Variants in GALNT13 observed in about 807,000 individuals in gnomAD.
GALNT13 encodes polypeptide N-acetylgalactosaminyltransferase 13, also known as UDP-GalNAc:polypeptide N-acetylgalactosaminyltransferase 13.
In GALNT13, 28 loss-of-function variants were observed where a neutral mutation model predicts 64.2. The ratio of observed to expected loss-of-function variants is 0.44; its 90% CI spans 0.32 to 0.60. GALNT13 has a LOEUF of 0.60. Among genes scored for constraint, GALNT13 ranks in the 20% least tolerant of loss-of-function variants. The probability of loss-of-function intolerance (pLI) is 0.05; values close to 1 mark genes in which losing one functional copy is unlikely to be tolerated. For synonymous variants in GALNT13, 214 were observed against 224.6 expected (o/e 0.95, Z 0.42); for missense variants, 577 against 669.8 (o/e 0.86, Z 1.53).
intron 3 of GALNT13, among the ~76,000 whole-genome samples, chr2:154,128,463 T>G (rs2105538815): frequency 6.6e-6 from 1 of 152,242 alleles, no homozygotes; most frequent in East Asian, 1.9e-4. Flanking sequence ...GTTCTTTTTA[T>G]TAGTATTAAC....
the GALNT13 span, among the ~76,000 whole-genome samples, chr2:153,345,695 CTTTCT>C: frequency 8.3e-6 from 1 of 120,176 alleles, no homozygotes; most frequent in Non-Finnish European, 1.8e-5. Flanking sequence ...TTCTTTCTTT[CTTTCT>C]TTCTCTTTCT....
chr2:153,961,943 A>C (rs1462357260), intron 3 of GALNT13, among the ~76,000 whole-genome samples: 2 of 152,200 alleles, frequency 1.3e-5, no homozygotes, highest in Non-Finnish European at 2.9e-5. Flanking sequence ...GTGGGTGCTC[A>C]CTTAACAATT....
chr2:153,678,156 A>AATAT, the GALNT13 span, among the ~76,000 whole-genome samples: 31,914 of 145,384 alleles, frequency 0.22, 4,207 homozygotes, highest in Middle Eastern at 0.39. Context: ...CCGACAAATG[A>AATAT]ATATATATAT....
chr2:153,157,235 T>G, the GALNT13 span, among the ~76,000 whole-genome samples: 1 of 152,208 alleles, frequency 6.6e-6, no homozygotes, highest in African/African-American at 2.4e-5. Context: ...CTTTTGAGAT[T>G]ATTATTACAA....
intron 3 of GALNT13, among the ~76,000 whole-genome samples, chr2:153,995,065 A>G (rs1312073552): frequency 2.0e-5 from 3 of 151,768 alleles, no homozygotes; most frequent in Admixed American, 1.3e-4. Context: ...TTTATTAAAG[A>G]TTTAAGCTTT....
chr2:154,105,003 C>G (rs1702539301), intron 3 of GALNT13, among the ~76,000 whole-genome samples: 1 of 152,136 alleles, frequency 6.6e-6, no homozygotes, highest in South Asian at 2.1e-4. Flanking sequence ...CAGAGGGGCT[C>G]TCTGACAATT....
chr2:153,109,743 C>T, the GALNT13 span, among the ~76,000 whole-genome samples: 1 of 151,950 alleles, frequency 6.6e-6, no homozygotes, highest in African/African-American at 2.4e-5. Context: ...TTCCAGTAAG[C>T]CCAAATCAAT....
the GALNT13 span, among the ~76,000 whole-genome samples, chr2:153,185,137 G>T: frequency 3.5e-4 from 54 of 152,256 alleles, no homozygotes; most frequent in Middle Eastern, 3.4e-3. Flanking sequence ...CTCAATTTCA[G>T]AACTCGTTAT....
the GALNT13 span, among the ~76,000 whole-genome samples, chr2:153,269,957 T>C: frequency 6.6e-6 from 1 of 152,038 alleles, no homozygotes; most frequent in African/African-American, 2.4e-5. Context: ...CCTTGACACA[T>C]TGGGGATTAC....
intron 3 of GALNT13, among the ~76,000 whole-genome samples, chr2:154,012,843 G>T (rs771421389): frequency 6.6e-6 from 1 of 151,900 alleles, no homozygotes; most frequent in Non-Finnish European, 1.5e-5. Flanking sequence ...AGCTTGGTCT[G>T]TTCTGCTGTT....
chr2:154,214,289 A>G (rs1687928642), intron 4 of GALNT13, among the ~76,000 whole-genome samples: 1 of 152,160 alleles, frequency 6.6e-6, no homozygotes, highest in African/African-American at 2.4e-5. Flanking sequence ...TTGAATCCAA[A>G]TGGATTTTCC....
the GALNT13 span, among the ~76,000 whole-genome samples, chr2:153,395,456 G>T: frequency 6.6e-6 from 1 of 152,040 alleles, no homozygotes; most frequent in African/African-American, 2.4e-5. Flanking sequence ...GACCTCCAGG[G>T]ATATCCAGGG....
chr2:153,839,660 G>T, the GALNT13 span, among the ~76,000 whole-genome samples: 2 of 151,710 alleles, frequency 1.3e-5, no homozygotes, highest in African/African-American at 4.8e-5. Flanking sequence ...ATATTTAATA[G>T]ATTATTCATA....
At chr2:154,212,202 CA>C (rs1687810487) in intron 4 of GALNT13, among the ~76,000 whole-genome samples, 1 of 151,522 alleles carries the variant, frequency 6.6e-6, no homozygotes, top group African/African-American at 2.4e-5. Flanking sequence ...TGTTTTGTGG[CA>C]GGGGTGCAGG....
chr2:154,084,387 T>G (rs1030272136), intron 3 of GALNT13, among the ~76,000 whole-genome samples: 18 of 151,808 alleles, frequency 1.2e-4, no homozygotes, highest in African/African-American at 4.1e-4. Context: ...ATATCTCGAG[T>G]ATGAAAGGAC....
chr2:153,789,004 G>T, the GALNT13 span, among the ~76,000 whole-genome samples: 1 of 152,118 alleles, frequency 6.6e-6, no homozygotes, highest in Admixed American at 6.5e-5. Context: ...AATAGTGGGA[G>T]ACTTTAACAC....
the GALNT13 span, among the ~76,000 whole-genome samples, chr2:153,474,899 T>C: frequency 1.5e-5 from 2 of 133,824 alleles, no homozygotes; most frequent in African/African-American, 5.5e-5. Flanking sequence ...AATTTATGTA[T>C]CTAAACTTCT....
At chr2:153,981,072 C>T (rs189081995) in intron 3 of GALNT13, among the ~76,000 whole-genome samples, 61 of 152,146 alleles carry the variant, frequency 4.0e-4, no homozygotes, top group African/African-American at 1.4e-3. Flanking sequence ...AGTTCACACC[C>T]TAATATTTGA....
At chr2:153,907,908 C>T (rs1688690765) in intron 2 of GALNT13, among the ~76,000 whole-genome samples, 1 of 151,850 alleles carries the variant, frequency 6.6e-6, no homozygotes, top group Non-Finnish European at 1.5e-5. Context: ...ATTTATATTC[C>T]TTTATGTATA....
Sources: allele counts gnomAD v4.1 joint callset (sites outside exome capture counted in the v4.1 genomes callset), GRCh38; gene constraint gnomAD v4.1.1; transcripts MANE v1.5; gene names NCBI Gene and HGNC (gene_info 2026-07-23, HGNC 2026-07-21).